MCPH1: variants seen among roughly 807,000 people sequenced by gnomAD.
MCPH1 encodes microcephalin 1.
In MCPH1, 104 loss-of-function variants were observed where a neutral mutation model predicts 84.5. The ratio of observed to expected loss-of-function variants is 1.23; its 90% CI spans 1.05 to 1.45. The LOEUF (loss-of-function observed/expected upper bound fraction) is 1.45. MCPH1 is among the 40% of genes most tolerant of loss of function. The pLI, the probability that MCPH1 is intolerant of heterozygous loss-of-function variation, is 0.00. For missense variants in MCPH1, 1,498 were observed against 1,005.7 expected (o/e 1.49, Z -6.62); for synonymous variants, 514 against 366.8 (o/e 1.40, Z -4.58).
At chr8:6,547,748 T>G (rs1822858203) in intron 12 of MCPH1, among the ~76,000 whole-genome samples, 1 of 152,102 alleles carries the variant, frequency 6.6e-6, no homozygotes, top group African/African-American at 2.4e-5. Context: ...CCATCTCCAC[T>G]GACTCACTCG....
At chr8:6,439,212 A>T in intron 6 of MCPH1, 116 bp downstream of exon 6, 1 of 1,072,854 alleles carries the variant, frequency 9.3e-7, no homozygotes, top group Non-Finnish European at 1.3e-6. Flanking sequence ...ACACATTTTG[A>T]CTTATTTCAT....
chr8:6,406,951 A>G (rs1211062746), intron 1 of MCPH1: 4 of 373,492 alleles, frequency 1.1e-5, no homozygotes, highest in Admixed American at 8.2e-5. Context: ...GTCCCCCCAA[A>G]CCCCCGACTG....
chr8:6,644,183 G>A lies in MCPH1; in HGVS notation c.*1134G>A, dbSNP rs1586911327. ...AAGAATCGCTTGAACCCAAGAGGCAGAGGTTGCAGTGAGCCAAGGTTGCAG... is the reference window on the plus strand; with the variant it reads ...AAGAATCGCTTGAACCCAAGAGGCAAAGGTTGCAGTGAGCCAAGGTTGCAG... On this transcript the variant is annotated 3_prime_UTR_variant, in exon 14 of 14. Transcript: ENST00000344683. 6.6e-6 allele frequency: 1 copy of A among 152,232 alleles called. No individual in the cohort carries two copies. Among genetic ancestry groups the A allele is most frequent in the Admixed American group, 6.5e-5 (1 of 15,284 alleles). The allele number at this position is 152,232 out of a possible 1,614,324, so 9.4% of individuals were successfully genotyped here. A position where few individuals can be genotyped will look rare whatever the true frequency, so the allele number is the denominator to read the frequency against.
At chr8:6,470,532 A>G (rs781725624) in intron 9 of MCPH1, among the ~76,000 whole-genome samples, 15 of 152,190 alleles carry the variant, frequency 9.9e-5, no homozygotes, top group Non-Finnish European at 1.9e-4. Context: ...TGATTCGCCC[A>G]CCTTGGTCTC....
chr8:6,643,931 T>A lies in MCPH1; in HGVS notation c.*882T>A, dbSNP rs1563232573. On this transcript the variant is annotated 3_prime_UTR_variant, in exon 14 of 14. Coordinates refer to ENST00000344683, the MANE Select transcript of MCPH1 (RefSeq NM_024596.5). ...TTTGCCTGCCGTCCTCGAGATGAAA[T>A]TGGCAGTTGGGGCTGATTCACAGAA... is the stretch of plus-strand genomic sequence containing the variant. 1 of 152,146 alleles carries A rather than the reference T, an allele frequency of 6.6e-6. No individual in the cohort carries two copies. Among genetic ancestry groups the A allele is most frequent in the East Asian group, 1.9e-4 (1 of 5,184 alleles). 9.4% of individuals were successfully genotyped at this position (152,146 alleles called of 1,614,324 possible). A position where few individuals can be genotyped will look rare whatever the true frequency, so the allele number is the denominator to read the frequency against.
chr8:6,429,210 T>A (rs181598646), intron 3 of MCPH1, among the ~76,000 whole-genome samples: 1 of 152,356 alleles, frequency 6.6e-6, no homozygotes, highest in Admixed American at 6.5e-5. Flanking sequence ...ATATTTCCTT[T>A]CATGGAAAAC....
intron 12 of MCPH1, among the ~76,000 whole-genome samples, chr8:6,514,222 C>G (rs1380703364): frequency 6.6e-6 from 1 of 152,172 alleles, no homozygotes; most frequent in African/African-American, 2.4e-5. Context: ...GAGAGTCTTA[C>G]TCTGTTGCCC....
chr8:6,559,548 G>A (rs3020237), intron 12 of MCPH1, among the ~76,000 whole-genome samples: 3,191 of 138,758 alleles, frequency 0.023, 110 homozygotes, highest in African/African-American at 0.074. Flanking sequence ...GTTTGCCTCC[G>A]TAGTAGGCAT....
intron 11 of MCPH1, among the ~76,000 whole-genome samples, chr8:6,492,518 A>G (rs985599585): frequency 2.6e-5 from 4 of 151,622 alleles, no homozygotes; most frequent in African/African-American, 9.7e-5. Context: ...TTGCCATTGC[A>G]TTTGGTGTTT....
intron 12 of MCPH1, among the ~76,000 whole-genome samples, chr8:6,516,603 C>T (rs1157009226): frequency 6.6e-6 from 1 of 152,216 alleles, no homozygotes; most frequent in East Asian, 1.9e-4. Flanking sequence ...CTGCTCACTT[C>T]TATCAATATT....
chr8:6,458,980 G>T (rs1351817178), intron 9 of MCPH1, among the ~76,000 whole-genome samples: 1 of 152,130 alleles, frequency 6.6e-6, no homozygotes, highest in Non-Finnish European at 1.5e-5. Flanking sequence ...TAACTTCCCA[G>T]TAGTTTGAGA....
At chr8:6,432,288 C>T (rs1373045941) in intron 4 of MCPH1, among the ~76,000 whole-genome samples, 1 of 152,198 alleles carries the variant, frequency 6.6e-6, no homozygotes, top group Non-Finnish European at 1.5e-5. Flanking sequence ...TTTAAGTAAT[C>T]TCTGGATTAT....
intron 12 of MCPH1, among the ~76,000 whole-genome samples, chr8:6,588,397 G>C (rs1176433325): frequency 6.6e-6 from 1 of 152,162 alleles, no homozygotes; most frequent in Middle Eastern, 3.4e-3. Flanking sequence ...ATTGTGCTTA[G>C]GAGAATGTCC....
At chr8:6,596,080 T>C (rs1828905077) in intron 12 of MCPH1, among the ~76,000 whole-genome samples, 1 of 152,198 alleles carries the variant, frequency 6.6e-6, no homozygotes, top group Non-Finnish European at 1.5e-5. Flanking sequence ...TGCAGGAGCA[T>C]TTAGAGCACA....
chr8:6,599,567 T>C (rs969618305), intron 12 of MCPH1, among the ~76,000 whole-genome samples: 6 of 152,248 alleles, frequency 3.9e-5, no homozygotes, highest in African/African-American at 1.4e-4. Context: ...ATAGCTTATT[T>C]GTAAAGGAAA....
intron 9 of MCPH1, chr8:6,474,045 G>A (rs1563257968): frequency 3.7e-6 from 3 of 814,794 alleles, no homozygotes; most frequent in Non-Finnish European, 6.4e-6. Flanking sequence ...CTCATTTGAA[G>A]TATTTCGTAC....
At chr8:6,502,036 A>G (rs1182027450) in intron 12 of MCPH1, 1 of 151,896 alleles carries the variant, frequency 6.6e-6, no homozygotes, top group Non-Finnish European at 1.5e-5. Flanking sequence ...TAGCTTTGTA[A>G]ATTTCTTAAA....
intron 3 of MCPH1, among the ~76,000 whole-genome samples, chr8:6,430,571 T>G (rs1298450256): frequency 6.6e-6 from 1 of 152,226 alleles, no homozygotes; most frequent in Non-Finnish European, 1.5e-5. Flanking sequence ...CCTAATATAT[T>G]TTGTAGAAAT....
intron 12 of MCPH1, among the ~76,000 whole-genome samples, chr8:6,505,826 TA>T (rs1354502217): frequency 1.4e-5 from 2 of 140,306 alleles, no homozygotes; most frequent in Non-Finnish European, 3.0e-5. Flanking sequence ...TATGTATATA[TA>T]AAAACATGCA....
Sources: gnomAD v4.1 joint callset for allele counts (sites outside exome capture counted in the v4.1 genomes callset) on GRCh38, gnomAD v4.1.1 for gene constraint, MANE v1.5 for transcripts, NCBI Gene and HGNC (gene_info 2026-07-23, HGNC 2026-07-21) for gene names.